Variants in TP63 observed in about 807,000 individuals in gnomAD.
TP63 encodes tumor protein p63.
In TP63, 17 loss-of-function variants were observed where a neutral mutation model predicts 82.8. The observed-to-expected ratio is 0.21, with a 90% CI of 0.14 to 0.31. The LOEUF (loss-of-function observed/expected upper bound fraction) is 0.31, where lower values mean the gene tolerates loss of function less well. Ranked by LOEUF, TP63 falls within the 10% of genes least tolerant of loss-of-function variation. The pLI is 1.00. For missense variants in TP63, 648 were observed against 895.3 expected, an observed-to-expected ratio of 0.72 and a Z score of 3.52; for synonymous variants, 330 against 321.7, an observed-to-expected ratio of 1.03 and a Z score of -0.28.
At chr3:189,620,838 T>C in the TP63 span, among the ~76,000 whole-genome samples, 4 of 152,242 alleles carry the variant, frequency 2.6e-5, no homozygotes, top group Admixed American at 6.5e-5. Context: ...CCACACTCCG[T>C]ACCACACATC....
chr3:189,638,113 G>A (rs576652128), intron 1 of TP63, among the ~76,000 whole-genome samples: 3 of 152,152 alleles, frequency 2.0e-5, no homozygotes, highest in African/African-American at 4.8e-5. Flanking sequence ...TCTGCAGAAC[G>A]GCAAGATACT....
intron 1 of TP63, among the ~76,000 whole-genome samples, chr3:189,676,168 G>A (rs1161149043): frequency 6.6e-6 from 1 of 152,010 alleles, no homozygotes; most frequent in Non-Finnish European, 1.5e-5. Context: ...TGTGTGTGAT[G>A]AGGACACTTA....
At chr3:189,657,836 C>T (rs1397853482) in intron 1 of TP63, among the ~76,000 whole-genome samples, 1 of 152,034 alleles carries the variant, frequency 6.6e-6, no homozygotes, top group Non-Finnish European at 1.5e-5. Context: ...CCTTGCTCTA[C>T]CAACTGATGG....
chr3:189,729,996 T>G (rs12374133), intron 1 of TP63, among the ~76,000 whole-genome samples: 23,048 of 152,112 alleles, frequency 0.15, 2,114 homozygotes, highest in Admixed American at 0.25. Context: ...GAACTAAAAA[T>G]GTAAAAGGAA....
At chr3:189,820,669 A>T (rs1475899368) in intron 4 of TP63, among the ~76,000 whole-genome samples, 1 of 152,198 alleles carries the variant, frequency 6.6e-6, no homozygotes, top group Non-Finnish European at 1.5e-5. Context: ...TACATTTGTT[A>T]GTTAGATGTT....
intron 5 of TP63, 123 bp downstream of exon 5, chr3:189,864,541 C>CTTT (rs10714778): frequency 4.7e-4 from 102 of 215,430 alleles, no homozygotes; most frequent in East Asian, 7.6e-4. Flanking sequence ...ATCAGTCTGC[C>CTTT]TTTTTTTTTT....
intron 3 of TP63, among the ~76,000 whole-genome samples, chr3:189,752,397 T>C (rs1017577176): frequency 8.5e-5 from 13 of 152,086 alleles, no homozygotes; most frequent in African/African-American, 2.9e-4. Flanking sequence ...TTCAGACTGG[T>C]CTCGAACTTC....
intron 3 of TP63, among the ~76,000 whole-genome samples, chr3:189,768,445 C>T (rs1043709844): frequency 3.9e-5 from 6 of 152,000 alleles, no homozygotes; most frequent in Admixed American, 1.3e-4. Context: ...TAAAATATCT[C>T]GAATCACAAA....
intron 3 of TP63, among the ~76,000 whole-genome samples, chr3:189,743,237 A>C (rs1183608513): frequency 6.6e-6 from 1 of 152,180 alleles, no homozygotes; most frequent in African/African-American, 2.4e-5. Context: ...TCCACTAATA[A>C]AAAATTAGGG....
intron 3 of TP63, among the ~76,000 whole-genome samples, chr3:189,761,600 A>T (rs992903638): frequency 6.6e-6 from 1 of 152,108 alleles, no homozygotes; most frequent in Admixed American, 6.6e-5. Context: ...TCCCTGCATT[A>T]TCTTGTCTTC....
At chr3:189,726,176 T>C (rs1208132454) in intron 1 of TP63, among the ~76,000 whole-genome samples, 1 of 152,210 alleles carries the variant, frequency 6.6e-6, no homozygotes, top group Non-Finnish European at 1.5e-5. Flanking sequence ...TTCCTCCATA[T>C]GAACGTCACT....
At chr3:189,731,926 T>C (rs1720202384) in intron 1 of TP63, among the ~76,000 whole-genome samples, 1 of 152,198 alleles carries the variant, frequency 6.6e-6, no homozygotes, top group African/African-American at 2.4e-5. Context: ...CTTTTTCCTC[T>C]TTTTCTCTCA....
rs1721543842 is a variant in TP63, at chr3:189,897,221, T to TTG, written c.*2721_*2722dup. ...CCAGAAGCCAATCTACAATCTCTTT[T>TTG]TGTTTGCCAGGACATGCAATAAAAT... On this transcript the variant is annotated 3_prime_UTR_variant, in exon 14 of 14. Coordinates refer to ENST00000264731, the MANE Select transcript of TP63 (RefSeq NM_003722.5). 3 of 209,330 alleles carry TTG rather than the reference T, an allele frequency of 1.4e-5. No individual in the cohort carries two copies. The South Asian group carries it at 5.6e-4, about 39-fold the overall frequency. 13.0% of individuals were successfully genotyped at this position (209,330 alleles called of 1,614,324 possible). A position where few individuals can be genotyped will look rare whatever the true frequency, so the allele number is the denominator to read the frequency against.
At chr3:189,863,746 TAA>T (rs11342899) in intron 4 of TP63, among the ~76,000 whole-genome samples, 1 of 151,882 alleles carries the variant, frequency 6.6e-6, no homozygotes, top group Non-Finnish European at 1.5e-5. Context: ...TATTCCATCT[TAA>T]AAAAAATCCC....
intron 10 of TP63, chr3:189,881,316 T>C (rs1015993041): frequency 1.5e-5 from 15 of 985,306 alleles, no homozygotes; most frequent in Non-Finnish European, 1.8e-5. Flanking sequence ...CTTTCCATTT[T>C]AAAAACATAT....
chr3:189,625,791 T>C, the TP63 span, among the ~76,000 whole-genome samples: 1 of 151,850 alleles, frequency 6.6e-6, no homozygotes, highest in Non-Finnish European at 1.5e-5. Context: ...GGGGTGGGAG[T>C]GAGGAGCAGC....
the TP63 span, among the ~76,000 whole-genome samples, chr3:189,607,542 T>G: frequency 2.0e-5 from 3 of 151,986 alleles, no homozygotes; most frequent in African/African-American, 7.2e-5. Context: ...TAGAGTAAAA[T>G]GGATAAGTAA....
At chr3:189,659,388 C>T (rs62291706) in intron 1 of TP63, among the ~76,000 whole-genome samples, 1 of 151,996 alleles carries the variant, frequency 6.6e-6, no homozygotes, top group African/African-American at 2.4e-5. Context: ...AAGATGATTT[C>T]ATTCTCTTTT....
intron 12 of TP63, among the ~76,000 whole-genome samples, chr3:189,890,212 G>A (rs148395901): frequency 2.1e-4 from 32 of 152,268 alleles, no homozygotes; most frequent in African/African-American, 5.8e-4. Flanking sequence ...GGCAAAGTGC[G>A]TGGCCTTTTC....
Sources: gnomAD v4.1 joint callset for allele counts (sites outside exome capture counted in the v4.1 genomes callset) on GRCh38, gnomAD v4.1.1 for gene constraint, MANE v1.5 for transcripts, NCBI Gene and HGNC (gene_info 2026-07-23, HGNC 2026-07-21) for gene names.